Variants in CAMTA1 observed in about 807,000 individuals in gnomAD.
CAMTA1 encodes calmodulin-binding transcription activator 1.
Under a neutral mutation model 170.9 loss-of-function variants are expected in CAMTA1, and 27 were observed. The ratio of observed to expected loss-of-function variants is 0.16; its 90% CI spans 0.12 to 0.22. CAMTA1 has a LOEUF of 0.22. Among genes scored for constraint, CAMTA1 ranks in the 10% least tolerant of loss-of-function variants. CAMTA1 has a pLI of 1.00. For synonymous variants in CAMTA1, 833 were observed against 891.5 expected, an observed-to-expected ratio of 0.93 and a Z score of 1.17; for missense variants, 1,619 against 2,217.2, an observed-to-expected ratio of 0.73 and a Z score of 5.42.
intron 4 of CAMTA1, among the ~76,000 whole-genome samples, chr1:7,184,423 A>G (rs1047854637): frequency 6.6e-6 from 1 of 152,222 alleles, no homozygotes; most frequent in Non-Finnish European, 1.5e-5. Flanking sequence ...TGGACACACC[A>G]TTTATCCTGA....
chr1:7,296,250 G>A (rs868450482), intron 5 of CAMTA1, among the ~76,000 whole-genome samples: 2 of 152,214 alleles, frequency 1.3e-5, no homozygotes, highest in African/African-American at 4.8e-5. Context: ...CCACTTTACA[G>A]ACGAAAATGG....
rs147054198 is a variant in CAMTA1, at chr1:7,606,212, G to A, written c.511-34188G>A. Among the ~76,000 whole-genome samples the A allele has an allele frequency of 5.9e-5, 9 of 152,310 alleles. No individual in the cohort carries two copies. In the East Asian group the frequency reaches 1.7e-3, roughly 29 times the overall value. ...CAGACTCTCAGCACCTTCTTCCCAG[G>A]CAGGGGCTGACAGATGCCTCTGTGG... On this transcript the variant is annotated intron_variant, in intron 6 of 22. Transcript: ENST00000303635.
At chr1:7,693,690 T>G (rs920560533) in intron 11 of CAMTA1, 6 of 152,240 alleles carry the variant, frequency 3.9e-5, no homozygotes, top group African/African-American at 1.4e-4. Context: ...CTCTTCCCCA[T>G]GGAATCATGA....
At chr1:7,175,055 CGT>C (rs374943938) in intron 4 of CAMTA1, among the ~76,000 whole-genome samples, 6 of 150,882 alleles carry the variant, frequency 4.0e-5, no homozygotes, top group South Asian at 2.1e-4. Flanking sequence ...TGTGTGTGTG[CGT>C]GTGTGTGTGT....
At chr1:6,993,886 A>G (rs1044677635) in intron 3 of CAMTA1, among the ~76,000 whole-genome samples, 8 of 152,122 alleles carry the variant, frequency 5.3e-5, no homozygotes, top group Admixed American at 2.0e-4. Flanking sequence ...TACCATGTCG[A>G]CATATATTTT....
chr1:7,278,240 TG>T (rs892762423), intron 5 of CAMTA1, among the ~76,000 whole-genome samples: 6 of 152,090 alleles, frequency 3.9e-5, no homozygotes, highest in Non-Finnish European at 8.8e-5. Flanking sequence ...TGGCGCAGGG[TG>T]GGGGCCACAC....
In CAMTA1 at chr1:7,736,544, A is replaced by T. The variant is rs1014577528; in HGVS notation, c.3263+4A>T. 1.2e-6 allele frequency: 2 copies of T among 1,613,664 alleles called. No individual in the cohort carries two copies. Among genetic ancestry groups the T allele is most frequent in the Non-Finnish European group, 1.7e-6 (2 of 1,179,574 alleles). Reference sequence around the variant, plus strand: ...TCCAGACCCTCATCAAATGGCGGTAAGGCTGTGGTGCAGCTGGCTGGGGGT... The same window carrying T: ...TCCAGACCCTCATCAAATGGCGGTATGGCTGTGGTGCAGCTGGCTGGGGGT... On this transcript the variant is annotated splice_donor_region_variant and intron_variant, in intron 13 of 22. Coordinates refer to ENST00000303635, the MANE Select transcript of CAMTA1 (RefSeq NM_015215.4). The surrounding 1 kb of genome is among the most constrained non-coding windows in gnomAD (Gnocchi z 4.5).
chr1:6,978,509 C>A (rs913423852), intron 3 of CAMTA1, among the ~76,000 whole-genome samples: 1 of 152,052 alleles, frequency 6.6e-6, no homozygotes, highest in Non-Finnish European at 1.5e-5. Flanking sequence ...TGGCAGGTGC[C>A]TATAATCCCA....
At chr1:7,149,741 G>A (rs970476053) in intron 4 of CAMTA1, among the ~76,000 whole-genome samples, 39 of 152,216 alleles carry the variant, frequency 2.6e-4, no homozygotes, top group Non-Finnish European at 8.8e-5. Context: ...CCATGTTCCC[G>A]GAATAACTCC....
intron 1 of CAMTA1, among the ~76,000 whole-genome samples, chr1:6,802,488 G>A (rs1362361075): frequency 6.6e-6 from 1 of 152,194 alleles, no homozygotes; most frequent in Middle Eastern, 3.2e-3. Context: ...GATTGTGTGA[G>A]AAGCTGGTTA....
At chr1:7,019,300 C>T (rs1395445699) in intron 3 of CAMTA1, among the ~76,000 whole-genome samples, 1 of 151,616 alleles carries the variant, frequency 6.6e-6, no homozygotes, top group African/African-American at 2.4e-5. Flanking sequence ...AAGGTTGTGT[C>T]GGGGACACCT....
At chr1:6,930,032 T>C (rs967321129) in intron 3 of CAMTA1, among the ~76,000 whole-genome samples, 1 of 152,096 alleles carries the variant, frequency 6.6e-6, no homozygotes, top group Admixed American at 6.5e-5. Flanking sequence ...GGACATGGTG[T>C]TTTAGGATGA....
chr1:6,926,490 C>CTTTCTTTCTT (rs1557838416), intron 3 of CAMTA1, among the ~76,000 whole-genome samples: 42 of 88,648 alleles, frequency 4.7e-4, no homozygotes, highest in Non-Finnish European at 7.7e-4. Flanking sequence ...CTTTCTTTCT[C>CTTTCTTTCTT]TCTCTCTTTT....
intron 3 of CAMTA1, among the ~76,000 whole-genome samples, chr1:6,928,602 C>G (rs1252594489): frequency 3.9e-5 from 6 of 152,132 alleles, no homozygotes; most frequent in Admixed American, 3.9e-4. Flanking sequence ...CTTGCAGTTT[C>G]AGAGCCTGCT....
At chr1:7,196,523 A>G (rs1296099529) in intron 4 of CAMTA1, among the ~76,000 whole-genome samples, 2 of 152,236 alleles carry the variant, frequency 1.3e-5, no homozygotes, top group African/African-American at 4.8e-5. Flanking sequence ...GCTGGAGGAA[A>G]TCACTCTAAA....
intron 4 of CAMTA1, among the ~76,000 whole-genome samples, chr1:7,198,438 C>T (rs1296098346): frequency 6.6e-6 from 1 of 151,912 alleles, no homozygotes; most frequent in African/African-American, 2.4e-5. Context: ...CCTGTGTGTG[C>T]CCCTGATGAC....
intron 6 of CAMTA1, among the ~76,000 whole-genome samples, chr1:7,576,104 G>A (rs893637100): frequency 7.2e-5 from 11 of 152,088 alleles, no homozygotes; most frequent in Non-Finnish European, 1.5e-4. Flanking sequence ...CACCTCCCAG[G>A]TTCAAGCAAT....
chr1:7,272,692 C>CAAAAAAAAAAAAAAAAAAAAAAA (rs371588178), intron 5 of CAMTA1, among the ~76,000 whole-genome samples: 42 of 38,806 alleles, frequency 1.1e-3, no homozygotes, highest in South Asian at 1.8e-3. Flanking sequence ...TAAACACATG[C>CAAAAAAAAAAAAAAAAAAAAAAA]AAAAAAAAAA....
intron 4 of CAMTA1, among the ~76,000 whole-genome samples, chr1:7,196,735 A>G (rs1238629368): frequency 1.3e-5 from 2 of 152,224 alleles, no homozygotes; most frequent in African/African-American, 2.4e-5. Context: ...ATTTAAATGG[A>G]CAAAGTTGAT....
Sources: gnomAD v4.1 joint callset for allele counts (sites outside exome capture counted in the v4.1 genomes callset) on GRCh38, gnomAD v4.1.1 for gene constraint, Gnocchi (gnomAD v3.1) non-coding constraint, MANE v1.5 for transcripts, NCBI Gene and HGNC (gene_info 2026-07-23, HGNC 2026-07-21) for gene names.